FAM72A: variants seen among roughly 807,000 people sequenced by gnomAD.
FAM72A encodes the protein protein FAM72A.
FAM72A carries 1 observed loss-of-function variant against 11.3 expected under a neutral mutation model. That is an observed-to-expected ratio of 0.09 (90% CI 0.03 to 0.42). The LOEUF is 0.42. FAM72A is among the 10% of genes least tolerant of loss of function. The pLI, the probability that FAM72A is intolerant of heterozygous loss-of-function variation, is 0.98. For missense variants in FAM72A, 15 were observed against 135.5 expected (o/e 0.11, Z 4.41); for synonymous variants, 5 against 46.9 (o/e 0.11, Z 3.65).
chr1:206,190,505 A>G (rs1664727247), intron 3 of FAM72A, among the ~76,000 whole-genome samples: 2 of 149,612 alleles, frequency 1.3e-5, no homozygotes, highest in Non-Finnish European at 3.0e-5. Flanking sequence ...TAAAAAATAC[A>G]TTTAAGTTCT....
rs539384897 is a variant in FAM72A at position 206,187,439 on chromosome 1, G to A, written c.356-66C>T. 1.3e-5 allele frequency: 21 copies of A among 1,563,838 alleles called. 1 individual carries two copies. The highest frequency in any genetic ancestry group is 7.9e-5 in the South Asian group (7 of 88,232). On this transcript the variant is annotated intron_variant, in intron 3 of 3. Coordinates refer to ENST00000367128, the MANE Select transcript of FAM72A (RefSeq NM_001123168.3). Reference sequence around the variant, plus strand: ...TGTTATAACTCAGAACACGAATTACGAAACTTTATATGTTAATATTCTTAT... The same window carrying A: ...TGTTATAACTCAGAACACGAATTACAAAACTTTATATGTTAATATTCTTAT...
chr1:206,195,593 GT>G (rs1665017376), intron 3 of FAM72A, among the ~76,000 whole-genome samples, 158 bp downstream of exon 3: 1 of 56,644 alleles, frequency 1.8e-5, no homozygotes, highest in Non-Finnish European at 3.5e-5. Flanking sequence ...TTGCCTAATA[GT>G]TTTCATAAGT....
chr1:206,189,545 C>A (rs1432393014), intron 3 of FAM72A, among the ~76,000 whole-genome samples: 8 of 128,908 alleles, frequency 6.2e-5, no homozygotes, highest in Non-Finnish European at 1.2e-4. Flanking sequence ...TAAGGAATTG[C>A]GAGGCAAAAA....
At chr1:206,190,980 A>G (rs1553297465) in intron 3 of FAM72A, among the ~76,000 whole-genome samples, 1 of 150,578 alleles carries the variant, frequency 6.6e-6, no homozygotes, top group Non-Finnish European at 1.5e-5. Flanking sequence ...CAGGCAATAT[A>G]AAAAGTATTA....
At chr1:206,205,081 C>T (rs1318709012), upstream of FAM72A, 2 of 151,930 alleles carry the variant, frequency 1.3e-5, no homozygotes, top group African/African-American at 4.8e-5. Context: ...GGGGCCACGT[C>T]GGGGGCTAGG....
chr1:206,191,671 GA>G (rs1173788940), intron 3 of FAM72A, among the ~76,000 whole-genome samples: 15 of 124,796 alleles, frequency 1.2e-4, no homozygotes, highest in African/African-American at 5.3e-4. Flanking sequence ...CAAGGAAAAA[GA>G]AATTTTTTTT....
chr1:206,191,821 A>G (rs1664822314), intron 3 of FAM72A, among the ~76,000 whole-genome samples: 1 of 145,074 alleles, frequency 6.9e-6, no homozygotes, highest in East Asian at 2.1e-4. Flanking sequence ...TCCACCTCCC[A>G]GGTTCAAGGG....
intron 3 of FAM72A, among the ~76,000 whole-genome samples, chr1:206,191,916 AG>A (rs1299021473): frequency 1.7e-4 from 26 of 150,312 alleles, no homozygotes; most frequent in Admixed American, 1.7e-3. Context: ...GTGGGATTAC[AG>A]GTGTGAGCCA....
At chr1:206,190,745 C>T (rs1553297426) in intron 3 of FAM72A, among the ~76,000 whole-genome samples, 1 of 150,356 alleles carries the variant, frequency 6.7e-6, no homozygotes, top group African/African-American at 2.5e-5. Flanking sequence ...GTGGCACACA[C>T]CTGTGGTCCC....
intron 3 of FAM72A, among the ~76,000 whole-genome samples, chr1:206,189,542 T>C (rs181747524): frequency 1.6e-5 from 2 of 127,384 alleles, no homozygotes; most frequent in African/African-American, 3.6e-5. Context: ...CTGTAAGGAA[T>C]TGCGAGGCAA....
chr1:206,197,784 C>G (rs1392285585), intron 2 of FAM72A, among the ~76,000 whole-genome samples: 1 of 145,820 alleles, frequency 6.9e-6, no homozygotes, highest in Non-Finnish European at 1.5e-5. Context: ...CATGGTGGCA[C>G]GTGCCTGTAG....
intron 2 of FAM72A, among the ~76,000 whole-genome samples, chr1:206,196,775 C>G (rs1329037215): frequency 9.0e-4 from 137 of 151,384 alleles, no homozygotes; most frequent in Non-Finnish European, 1.3e-3. Context: ...ATTATAAGTA[C>G]CTCAGTCTTT....
At chr1:206,187,746 T>C (rs1553297072) in intron 3 of FAM72A, among the ~76,000 whole-genome samples, 2 of 150,916 alleles carry the variant, frequency 1.3e-5, no homozygotes, top group Non-Finnish European at 1.5e-5. Flanking sequence ...ATTTTGTAGA[T>C]ACAGGTTCCC....
At chr1:206,198,361 C>A (rs1553298653) in intron 2 of FAM72A, among the ~76,000 whole-genome samples, 1 of 147,360 alleles carries the variant, frequency 6.8e-6, no homozygotes, top group Admixed American at 6.8e-5. Context: ...AAAACTCCGT[C>A]TTAAAAAAAA....
rs552668582 is a variant in FAM72A, at chr1:206,191,730, T to A, written c.355+4022A>T. 1.4e-3 allele frequency among the ~76,000 whole-genome samples: 200 copies of A among 143,250 alleles called. 3 individuals are homozygous for A. Among genetic ancestry groups the A allele is most frequent in the East Asian group, 4.8e-3 (24 of 4,988 alleles). The allele number at this position is 143,250 out of a possible 152,430, so 94.0% of individuals were successfully genotyped here. A position where few individuals can be genotyped will look rare whatever the true frequency, so the allele number is the denominator to read the frequency against. ...ACTTTCTTACTAAAATATTATTTTT[T>A]TTTTTTTTTTTTTTTGAGACAGGGT... On this transcript the variant is annotated intron_variant, in intron 3 of 3. Coordinates refer to ENST00000367128, the MANE Select transcript of FAM72A (RefSeq NM_001123168.3).
chr1:206,205,022 C>G (rs1323570328), upstream of FAM72A: 1 of 152,038 alleles, frequency 6.6e-6, no homozygotes, highest in African/African-American at 2.4e-5. Flanking sequence ...TATCCCTCCC[C>G]GGCTTTGATC....
At chr1:206,205,252 C>T, upstream of FAM72A, 1 of 149,154 alleles carries the variant, frequency 6.7e-6, no homozygotes, top group East Asian at 2.0e-4. Flanking sequence ...CCTTAAAATC[C>T]GGAGGGAGCT....
intron 3 of FAM72A, among the ~76,000 whole-genome samples, chr1:206,187,648 T>G (rs1664599648): frequency 6.6e-6 from 1 of 152,186 alleles, no homozygotes; most frequent in Non-Finnish European, 1.5e-5. Context: ...CACTGCAGCC[T>G]GAACCTCCAG....
intron 3 of FAM72A, among the ~76,000 whole-genome samples, chr1:206,190,697 T>C (rs1204144099): frequency 2.8e-3 from 396 of 139,362 alleles, no homozygotes; most frequent in Non-Finnish European, 4.3e-3. Context: ...TGGCAAAAAC[T>C]GGTCTCTACG....
Sources: gnomAD v4.1 joint callset for allele counts (sites outside exome capture counted in the v4.1 genomes callset) on GRCh38, gnomAD v4.1.1 for gene constraint, MANE v1.5 for transcripts, NCBI Gene and HGNC (gene_info 2026-07-23, HGNC 2026-07-21) for gene names.